The following ANXA10 variants were observed in gnomAD, a reference collection of about 807,000 sequenced individuals.
ANXA10 encodes the protein annexin A10.
Under a neutral mutation model 53.5 loss-of-function variants are expected in ANXA10, and 49 were observed. That is an observed-to-expected ratio of 0.92 (90% CI 0.73 to 1.16). ANXA10 has a LOEUF of 1.16. Ranked by LOEUF, ANXA10 falls within the 50% of genes most tolerant of loss-of-function variation. The pLI is 0.00. For missense variants in ANXA10, 393 were observed against 394.4 expected (o/e 1.00, Z 0.03); for synonymous variants, 131 against 128.9 (o/e 1.02, Z -0.11).
chr4:168,155,548 A>T (rs1489109377), intron 3 of ANXA10, among the ~76,000 whole-genome samples: 3 of 35,354 alleles, frequency 8.5e-5, no homozygotes, highest in Admixed American at 5.4e-4. Flanking sequence ...ATATATTATA[A>T]AATATATAAT....
intron 2 of ANXA10, among the ~76,000 whole-genome samples, chr4:168,133,000 A>G (rs1731178516): frequency 6.6e-6 from 1 of 152,130 alleles, no homozygotes; most frequent in African/African-American, 2.4e-5. Context: ...AATTTTAGTC[A>G]CTAGAATGCA....
At chr4:168,103,590 C>A (rs575708960) in intron 1 of ANXA10, among the ~76,000 whole-genome samples, 1 of 151,990 alleles carries the variant, frequency 6.6e-6, no homozygotes, top group South Asian at 2.1e-4. Flanking sequence ...AATCAGTTAG[C>A]ATTACTCCTA....
intron 2 of ANXA10, among the ~76,000 whole-genome samples, chr4:168,134,746 T>C (rs1188543614): frequency 6.6e-6 from 1 of 152,168 alleles, no homozygotes; most frequent in African/African-American, 2.4e-5. Context: ...AGCCATTAAT[T>C]TCTATCTTTG....
chr4:168,142,216 C>T (rs1253426261), intron 3 of ANXA10, among the ~76,000 whole-genome samples: 2 of 152,090 alleles, frequency 1.3e-5, no homozygotes, highest in Admixed American at 1.3e-4. Flanking sequence ...TCATGTCTAG[C>T]CATCTGCCTA....
At chr4:168,135,527 T>C (rs1405021949) in intron 2 of ANXA10, among the ~76,000 whole-genome samples, 1 of 152,178 alleles carries the variant, frequency 6.6e-6, no homozygotes, top group African/African-American at 2.4e-5. Context: ...TTAGTCAAGC[T>C]AAGGGAAAAG....
chr4:168,126,623 T>C (rs891347044), intron 1 of ANXA10, among the ~76,000 whole-genome samples: 14 of 152,066 alleles, frequency 9.2e-5, no homozygotes. Flanking sequence ...GACCAGCTCT[T>C]CCCCCCACAC....
At chr4:168,126,464 C>T (rs1731071199) in intron 1 of ANXA10, among the ~76,000 whole-genome samples, 1 of 152,166 alleles carries the variant, frequency 6.6e-6, no homozygotes, top group Admixed American at 6.5e-5. Context: ...TTGTATCACT[C>T]TCTTACTTAG....
At chr4:168,164,898 A>G (rs1238674138) in intron 5 of ANXA10, among the ~76,000 whole-genome samples, 7 of 152,202 alleles carry the variant, frequency 4.6e-5, no homozygotes, top group African/African-American at 1.7e-4. Context: ...CAGAACTTTC[A>G]CTAAAATGTT....
chr4:168,107,959 A>G (rs1431708757), intron 1 of ANXA10, among the ~76,000 whole-genome samples: 5 of 152,208 alleles, frequency 3.3e-5, no homozygotes, highest in Non-Finnish European at 5.9e-5. Context: ...TTAAATATTC[A>G]TAAGTTACTT....
At chr4:168,166,470 T>C (rs539987070) in intron 6 of ANXA10, among the ~76,000 whole-genome samples, 4 of 152,322 alleles carry the variant, frequency 2.6e-5, no homozygotes, top group Admixed American at 1.3e-4. Flanking sequence ...TTATACATAT[T>C]CTCCAATGTG....
chr4:168,155,482 T>A (rs1442034167), intron 3 of ANXA10, among the ~76,000 whole-genome samples: 3 of 15,184 alleles, frequency 2.0e-4, no homozygotes, highest in Non-Finnish European at 3.4e-4. Flanking sequence ...ATAAATTATA[T>A]ATTATATAAT....
intron 3 of ANXA10, among the ~76,000 whole-genome samples, chr4:168,147,209 C>G (rs1165544089): frequency 6.6e-6 from 1 of 152,208 alleles, no homozygotes; most frequent in African/African-American, 2.4e-5. Flanking sequence ...TTTCTTCCAC[C>G]TTGCCATTCA....
intron 1 of ANXA10, among the ~76,000 whole-genome samples, chr4:168,112,545 C>A (rs7686920): frequency 0.68 from 102,701 of 151,954 alleles, 35,511 homozygotes; most frequent in African/African-American, 0.81. Context: ...AGAGTTTTTT[C>A]ATAACCAAAT....
At chr4:168,133,284 G>A (rs1731184177) in intron 2 of ANXA10, among the ~76,000 whole-genome samples, 1 of 152,010 alleles carries the variant, frequency 6.6e-6, no homozygotes, top group Non-Finnish European at 1.5e-5. Context: ...TGAGTTTAAT[G>A]TTAATGAATT....
intron 1 of ANXA10, among the ~76,000 whole-genome samples, chr4:168,121,478 A>G (rs1730984197): frequency 6.6e-6 from 1 of 152,182 alleles, no homozygotes; most frequent in South Asian, 2.1e-4. Flanking sequence ...AATTCTATAA[A>G]ATTACAATAA....
chr4:168,162,217 A>G (rs1319598957), intron 3 of ANXA10, among the ~76,000 whole-genome samples: 1 of 152,196 alleles, frequency 6.6e-6, no homozygotes, highest in Middle Eastern at 3.2e-3. Flanking sequence ...AATGTTTTTA[A>G]GTTTAACTTT....
intron 6 of ANXA10, among the ~76,000 whole-genome samples, chr4:168,168,989 A>C (rs1731932530): frequency 6.6e-6 from 1 of 152,182 alleles, no homozygotes; most frequent in Admixed American, 6.5e-5. Flanking sequence ...ACTCTCAGTA[A>C]ATCATCCTAT....
chr4:168,120,959 G>A (rs150706688), intron 1 of ANXA10, among the ~76,000 whole-genome samples: 2 of 151,918 alleles, frequency 1.3e-5, no homozygotes, highest in East Asian at 1.9e-4. Flanking sequence ...AGCTACTTTG[G>A]CCCATAAGGA....
chr4:168,126,393 C>A (rs1731070140), intron 1 of ANXA10, among the ~76,000 whole-genome samples: 1 of 152,156 alleles, frequency 6.6e-6, no homozygotes, highest in Non-Finnish European at 1.5e-5. Context: ...ACTTGTATTG[C>A]TTCTTTTTTG....
Sources: gnomAD v4.1 joint callset for allele counts (sites outside exome capture counted in the v4.1 genomes callset) on GRCh38, gnomAD v4.1.1 for gene constraint, MANE v1.5 for transcripts, NCBI Gene and HGNC (gene_info 2026-07-23, HGNC 2026-07-21) for gene names.